Variants in HERC2 observed in about 807,000 individuals in gnomAD.
The protein encoded by HERC2 is E3 ubiquitin-protein ligase HERC2.
HERC2 carries 102 observed loss-of-function variants against 537.7 expected under a neutral mutation model. The ratio of observed to expected loss-of-function variants is 0.19; its 90% CI spans 0.16 to 0.22. The LOEUF (loss-of-function observed/expected upper bound fraction) is 0.22, where lower values mean the gene tolerates loss of function less well. HERC2 is among the 10% of genes least tolerant of loss of function. The pLI is 1.00. For missense variants in HERC2, 4,236 were observed against 6,198.2 expected (o/e 0.68, Z 10.63); for synonymous variants, 2,224 against 2,466.2 (o/e 0.90, Z 2.91).
intron 86 of HERC2, chr15:28,117,748 G>A: frequency 2.8e-6 from 1 of 362,450 alleles, no homozygotes; most frequent in Non-Finnish European, 5.4e-6. Flanking sequence ...AACACAGGCA[G>A]TCACTCCCTG....
intron 90 of HERC2, 62 bp downstream of exon 90, chr15:28,114,550 A>C: frequency 6.7e-7 from 1 of 1,499,394 alleles, no homozygotes; most frequent in Non-Finnish European, 9.2e-7. Flanking sequence ...ACATGTCCAC[A>C]CAACCACGTT....
chr15:28,319,584 C>CAAAAAAA (rs1168038967), intron 2 of HERC2, among the ~76,000 whole-genome samples: 1 of 58,254 alleles, frequency 1.7e-5, no homozygotes, highest in Non-Finnish European at 3.9e-5. Context: ...GACTGCGTCT[C>CAAAAAAA]AAAAAAAAAA....
chr15:28,283,308 A>G (rs2076073950), intron 4 of HERC2, among the ~76,000 whole-genome samples: 1 of 152,232 alleles, frequency 6.6e-6, no homozygotes, highest in Admixed American at 6.5e-5. Flanking sequence ...TTCAAAAGCC[A>G]CTAAACAAAA....
chr15:28,132,818 G>A lies in HERC2; in HGVS notation c.12243C>T (p.Arg4081=). The change falls in exon 80 of 93, where the codon CGC becomes CGT. Residue 4081 remains arginine (R), a synonymous_variant. Coordinates refer to ENST00000261609, the MANE Select transcript of HERC2 (RefSeq NM_004667.6). ...CTCTCAGAGACTCGATGACACGAGG[G>A]CGGTCACACGGACTGCAAAAAAGTC... ...LGHGNRSPCD[R]PRVIESLRGI... is the part of the protein sequence containing the mutation. The A allele has an allele frequency of 5.2e-6, 8 of 1,553,338 alleles. No individual in the cohort carries two copies. The highest frequency in any genetic ancestry group is 1.2e-5 in the South Asian group (1 of 83,272).
Position 28,292,985 on chromosome 15 carries a change from A to G in HERC2, c.225T>C (p.Asp75=). ...SVEPSGTKKE[D]LNDKEKKDEE... ...CATCTTTTTTCTCTTTGTCATTCAG[A>G]TCTTCTTTCTTTGTTCCACTTGGTT... is the stretch of plus-strand genomic sequence containing the variant. Residue 75 remains aspartate, a synonymous_variant, in exon 4 of 93, where the codon GAT becomes GAC. Transcript: ENST00000261609. 1 of 1,611,122 alleles carries G rather than the reference A, an allele frequency of 6.2e-7. No individual in the cohort carries two copies. The highest frequency in any genetic ancestry group is 1.1e-5 in the South Asian group (1 of 90,798).
intron 69 of HERC2, among the ~76,000 whole-genome samples, chr15:28,157,080 GCATCA>G (rs1291827791): frequency 6.6e-6 from 1 of 152,200 alleles, no homozygotes; most frequent in Non-Finnish European, 1.5e-5. Flanking sequence ...AATCAGCCTT[GCATCA>G]CAGGGATGAA....
chr15:28,247,909 G>A (rs1362936392), intron 21 of HERC2, among the ~76,000 whole-genome samples: 1 of 152,218 alleles, frequency 6.6e-6, no homozygotes, highest in Non-Finnish European at 1.5e-5. Context: ...ACTAATGGAA[G>A]CAGCAGAGCT....
In HERC2 at chr15:28,115,413, C is replaced by T. The variant is rs777235567; in HGVS notation, c.13722+16G>A. ...ACAAGACCCTAGAGGCCCCGCCTGC[C>T]GCCCCAGGGAGTTACCTCACTGAGG... On this transcript the variant is annotated intron_variant, in intron 89 of 92. Coordinates refer to ENST00000261609, the MANE Select transcript of HERC2 (RefSeq NM_004667.6). 26 of 1,590,962 alleles carry T rather than the reference C, an allele frequency of 1.6e-5. No individual in the cohort carries two copies. The Middle Eastern group carries it at 1.4e-3, about 83-fold the overall frequency.
At position 28,213,862 on chromosome 15, in the gene HERC2, T is replaced by C. The variant is rs1465427999; in HGVS notation, c.6666A>G (p.Gln2222=). 3 of 1,613,924 alleles carry C rather than the reference T, an allele frequency of 1.9e-6. No individual in the cohort carries two copies. Among genetic ancestry groups the C allele is most frequent in the South Asian group, 1.1e-5 (1 of 91,080 alleles). The stretch of plus-strand genomic sequence containing the variant: ...CTTCTCCAAACTCATCGTGCATAAC[T>C]TGACCGCCCAGGCGCAGGCGACCAT... The part of the protein sequence containing the change: ...GIDGRLRLGG[Q]VMHDEFGEGT... The change falls in exon 42 of 93, where the codon CAA becomes CAG. Residue 2222 remains glutamine, a synonymous_variant. Transcript: ENST00000261609.
At chr15:28,170,402 A>C (rs1894573085) in intron 65 of HERC2, among the ~76,000 whole-genome samples, 1 of 152,242 alleles carries the variant, frequency 6.6e-6, no homozygotes, top group Non-Finnish European at 1.5e-5. Flanking sequence ...AACGTGCAAA[A>C]GCAACTCGGA....
In HERC2 at chr15:28,133,388, C is replaced by G. The variant is rs550985345; in HGVS notation, c.12231-558G>C. The stretch of plus-strand genomic sequence containing the variant: ...GTCAGATTATATGATTGTGAATATC[C>G]TTTCCCAGCTTGTGGTTTCAATCTC... On this transcript the variant is annotated intron_variant, in intron 79 of 92. Transcript: ENST00000261609. 3.9e-5 allele frequency among the ~76,000 whole-genome samples: 6 copies of G among 152,228 alleles called. No homozygotes were observed. The East Asian group carries it at 9.7e-4, about 25-fold the overall frequency.
At chr15:28,154,884 T>C (rs1264052115) in intron 69 of HERC2, among the ~76,000 whole-genome samples, 36 of 151,438 alleles carry the variant, frequency 2.4e-4, no homozygotes, top group Non-Finnish European at 4.3e-4. Flanking sequence ...TCATTTACAT[T>C]AGGTATATCT....
At chr15:28,199,897 T>C (rs1344217965) in intron 48 of HERC2, among the ~76,000 whole-genome samples, 1 of 152,092 alleles carries the variant, frequency 6.6e-6, no homozygotes, top group Non-Finnish European at 1.5e-5. Context: ...TTGGAGGACA[T>C]GGTTTCAGCT....
In HERC2 at chr15:28,132,722, G is replaced by C; in HGVS notation, c.12339C>G (p.Tyr4113Ter). ...SACVTAAGDL[Y>*]TWGKGRYGRL... is the part of the protein sequence containing the mutation. Reference sequence around the variant, plus strand: ...GGCCGTAGCGGCCTTTGCCCCATGTGTAGAGGTCCCCGGCTGCTGTGACAC... The same window carrying C: ...GGCCGTAGCGGCCTTTGCCCCATGTCTAGAGGTCCCCGGCTGCTGTGACAC... Residue 4113 changes from tyrosine to a stop codon, truncating the protein, a stop_gained, in exon 80 of 93, where the codon TAC becomes TAG. Transcript: ENST00000261609. LOFTEE classifies it high-confidence loss of function. The C allele has an allele frequency of 6.2e-7, 1 of 1,608,598 alleles. No individual in the cohort carries two copies. The highest frequency in any genetic ancestry group is 8.5e-7 in the Non-Finnish European group (1 of 1,177,730).
Position 28,177,597 on chromosome 15 carries a change from A to G in HERC2, c.9164-88T>C. 1 of 1,115,258 alleles carries G rather than the reference A, an allele frequency of 9.0e-7. No individual in the cohort carries two copies. Among genetic ancestry groups the G allele is most frequent in the Non-Finnish European group, 1.4e-6 (1 of 729,388 alleles). The allele number at this position is 1,115,258 out of a possible 1,614,324, so 69.1% of individuals were successfully genotyped here. A position where few individuals can be genotyped will look rare whatever the true frequency, so the allele number is the denominator to read the frequency against. On this transcript the variant is annotated intron_variant, in intron 59 of 92. Coordinates refer to ENST00000261609, the MANE Select transcript of HERC2 (RefSeq NM_004667.6). This position sits in a 1 kb window ranked among gnomAD's most constrained non-coding sequence, Gnocchi z 5.0. ...TAGCTCCCTATTTTGCCTGGCATATAGCACACACTCAATGAGCGTGAGCTG... is the reference window on the plus strand; with the variant it reads ...TAGCTCCCTATTTTGCCTGGCATATGGCACACACTCAATGAGCGTGAGCTG...
intron 66 of HERC2, 30 bp downstream of exon 66, chr15:28,169,454 A>T: frequency 6.6e-7 from 1 of 1,510,950 alleles, no homozygotes; most frequent in Non-Finnish European, 9.0e-7. Context: ...ACATAATTGC[A>T]GAATTTCAAA....
chr15:28,177,389 A>C lies in HERC2; in HGVS notation c.9254+30T>G, dbSNP rs559021393. 6.4e-7 allele frequency: 1 copy of C among 1,574,770 alleles called. No homozygotes were observed. The highest frequency in any genetic ancestry group is 1.1e-5 in the South Asian group (1 of 90,196). ...TATCAGTCAGAAACAGTTTCTTATT[A>C]GCAAATGAGACTAAAAAAAGTACCC... On this transcript the variant is annotated intron_variant, in intron 60 of 92. Coordinates refer to ENST00000261609, the MANE Select transcript of HERC2 (RefSeq NM_004667.6). The surrounding 1 kb of genome is among the most constrained non-coding windows in gnomAD (Gnocchi z 5.0).
In HERC2 at chr15:28,113,288, G is replaced by A. The variant is rs781378385; in HGVS notation, c.14020-5C>T. On this transcript the variant is annotated splice_polypyrimidine_tract_variant and splice_region_variant and intron_variant, in intron 91 of 92. Transcript: ENST00000261609. This position sits in a 1 kb window ranked among gnomAD's most constrained non-coding sequence, Gnocchi z 7.0. ...GATGTCAGGGCTGCCACACACCTGC[G>A]GGAGGATGTCTGTCAGGGCCGCGTG... The A allele has an allele frequency of 4.4e-5, 71 of 1,613,644 alleles. No individual in the cohort carries two copies. The South Asian group carries it at 5.2e-4, about 12-fold the overall frequency.
chr15:28,165,331 C>T (rs894381823), intron 68 of HERC2, among the ~76,000 whole-genome samples: 1 of 152,182 alleles, frequency 6.6e-6, no homozygotes, highest in Admixed American at 6.5e-5. Context: ...GGGGACTGAA[C>T]TGTAAGTAAA....
Sources: allele counts gnomAD v4.1 joint callset (sites outside exome capture counted in the v4.1 genomes callset), GRCh38; gene constraint gnomAD v4.1.1; non-coding constraint Gnocchi (gnomAD v3.1); transcripts MANE v1.5; gene names NCBI Gene and HGNC (gene_info 2026-07-23, HGNC 2026-07-21).